Variants in CADM2 observed in about 807,000 individuals in gnomAD.
CADM2 encodes cell adhesion molecule 2, also known as immunoglobulin superfamily member 4D.
In CADM2, 12 loss-of-function variants were observed where a neutral mutation model predicts 49.8. That is an observed-to-expected ratio of 0.24 (90% CI 0.15 to 0.39). The LOEUF (loss-of-function observed/expected upper bound fraction) is 0.39, where lower values mean the gene tolerates loss of function less well. CADM2 is among the 10% of genes least tolerant of loss of function. The pLI is 1.00. For synonymous variants in CADM2, 214 were observed against 175.4 expected, an observed-to-expected ratio of 1.22 and a Z score of -1.74; for missense variants, 378 against 492.3, an observed-to-expected ratio of 0.77 and a Z score of 2.20.
chr3:85,476,003 A>G (rs1397185544), intron 1 of CADM2, among the ~76,000 whole-genome samples: 4 of 151,920 alleles, frequency 2.6e-5, no homozygotes, highest in Non-Finnish European at 5.9e-5. Context: ...ATTCCTGCCT[A>G]TCATCTAAAT....
At chr3:85,905,970 T>C (rs958070869) in intron 5 of CADM2, among the ~76,000 whole-genome samples, 3 of 152,170 alleles carry the variant, frequency 2.0e-5, no homozygotes, top group Admixed American at 2.0e-4. Flanking sequence ...TTTTCTGACA[T>C]GTGCTGAGTG....
intron 1 of CADM2, among the ~76,000 whole-genome samples, chr3:85,680,351 GGC>G (rs2066005601): frequency 6.6e-6 from 1 of 151,984 alleles, no homozygotes; most frequent in African/African-American, 2.4e-5. Flanking sequence ...AAAGATAAAG[GGC>G]TGATCTTGAA....
chr3:85,524,592 A>C (rs912660617), intron 1 of CADM2, among the ~76,000 whole-genome samples: 9 of 152,164 alleles, frequency 5.9e-5, no homozygotes, highest in African/African-American at 2.2e-4. Flanking sequence ...CTTGGGAAGA[A>C]TGTATAATCT....
At chr3:85,118,639 G>A (rs2038734486) in intron 1 of CADM2, among the ~76,000 whole-genome samples, 1 of 152,128 alleles carries the variant, frequency 6.6e-6, no homozygotes, top group South Asian at 2.1e-4. Flanking sequence ...TGGGAATTGT[G>A]GGAGCTACAA....
At chr3:85,255,571 A>G (rs1461186185) in intron 1 of CADM2, among the ~76,000 whole-genome samples, 1 of 152,064 alleles carries the variant, frequency 6.6e-6, no homozygotes, top group Non-Finnish European at 1.5e-5. Context: ...TAAAGTATCT[A>G]CTTTATTAGA....
At chr3:85,837,404 A>C (rs1212786372) in intron 3 of CADM2, among the ~76,000 whole-genome samples, 1 of 150,578 alleles carries the variant, frequency 6.6e-6, no homozygotes, top group Admixed American at 6.6e-5. Flanking sequence ...TTTACCTATA[A>C]TTTAATTAGG....
chr3:85,356,385 T>C (rs1205230901), intron 1 of CADM2, among the ~76,000 whole-genome samples: 1 of 151,978 alleles, frequency 6.6e-6, no homozygotes, highest in African/African-American at 2.4e-5. Flanking sequence ...TCTAAACTAT[T>C]GAGAAACATT....
At chr3:85,437,866 A>G (rs983578535) in intron 1 of CADM2, among the ~76,000 whole-genome samples, 3 of 151,812 alleles carry the variant, frequency 2.0e-5, no homozygotes, top group Non-Finnish European at 4.4e-5. Flanking sequence ...TAAGTCACAT[A>G]TTGGCTTTTA....
At chr3:85,243,757 G>A (rs780203830) in intron 1 of CADM2, among the ~76,000 whole-genome samples, 1 of 151,910 alleles carries the variant, frequency 6.6e-6, no homozygotes, top group African/African-American at 2.4e-5. Flanking sequence ...AGCTTTATTC[G>A]AATAAAAATT....
At chr3:85,330,851 A>G (rs1323839459) in intron 1 of CADM2, among the ~76,000 whole-genome samples, 1 of 151,406 alleles carries the variant, frequency 6.6e-6, no homozygotes, top group African/African-American at 2.4e-5. Flanking sequence ...GGTTTCAGCT[A>G]CTCAGGAGGC....
chr3:85,499,113 A>G (rs969847630), intron 1 of CADM2, among the ~76,000 whole-genome samples: 1 of 152,148 alleles, frequency 6.6e-6, no homozygotes, highest in African/African-American at 2.4e-5. Context: ...AGTACCTGCA[A>G]TAGTGTTTTT....
At chr3:85,803,423 A>T (rs1187441860) in intron 3 of CADM2, among the ~76,000 whole-genome samples, 1 of 152,136 alleles carries the variant, frequency 6.6e-6, no homozygotes, top group Non-Finnish European at 1.5e-5. Context: ...ATGCAGAAGA[A>T]TGAACCAGGG....
intron 1 of CADM2, among the ~76,000 whole-genome samples, chr3:85,077,103 T>C (rs969673889): frequency 5.3e-5 from 8 of 152,222 alleles, no homozygotes; most frequent in Non-Finnish European, 8.8e-5. Flanking sequence ...TGCTTCTGTC[T>C]AGGGAAGCTA....
intron 7 of CADM2, among the ~76,000 whole-genome samples, chr3:85,946,758 A>G (rs1722759459): frequency 1.3e-5 from 2 of 152,164 alleles, no homozygotes; most frequent in South Asian, 4.1e-4. Context: ...GAAAGCTGAA[A>G]TTGGATCCCT....
chr3:85,088,123 T>TA (rs60491146), intron 1 of CADM2, among the ~76,000 whole-genome samples: 6,538 of 152,288 alleles, frequency 0.043, 168 homozygotes, highest in South Asian at 0.046. Context: ...TTCCTGGTAT[T>TA]ACATTCTGAC....
At chr3:85,333,869 G>T (rs1458675747) in intron 1 of CADM2, among the ~76,000 whole-genome samples, 2 of 151,534 alleles carry the variant, frequency 1.3e-5, no homozygotes, top group African/African-American at 4.8e-5. Context: ...TTATATTGAG[G>T]GACTCCATGT....
intron 2 of CADM2, among the ~76,000 whole-genome samples, chr3:85,779,767 T>C (rs2070542028): frequency 6.6e-6 from 1 of 152,240 alleles, no homozygotes; most frequent in South Asian, 2.1e-4. Context: ...ATTCCCATCA[T>C]ATGTGTATCA....
At chr3:85,744,086 T>C (rs2068511162) in intron 2 of CADM2, among the ~76,000 whole-genome samples, 1 of 151,932 alleles carries the variant, frequency 6.6e-6, no homozygotes, top group African/African-American at 2.4e-5. Flanking sequence ...TTAAAGGTGA[T>C]TAGTACTATG....
At chr3:85,818,266 C>T (rs752921136) in intron 3 of CADM2, among the ~76,000 whole-genome samples, 54 of 152,128 alleles carry the variant, frequency 3.5e-4, no homozygotes, top group Non-Finnish European at 6.6e-4. Context: ...GAAGAGTTCA[C>T]TCCTTCCTTT....
Sources: allele counts gnomAD v4.1 joint callset (sites outside exome capture counted in the v4.1 genomes callset), GRCh38; gene constraint gnomAD v4.1.1; transcripts MANE v1.5; gene names NCBI Gene and HGNC (gene_info 2026-07-23, HGNC 2026-07-21).